GAP43: variants seen among roughly 807,000 people sequenced by gnomAD.
GAP43 encodes the protein neuromodulin.
A neutral mutation model predicts 18.6 loss-of-function variants in GAP43; 6 were observed. The observed-to-expected ratio is 0.32, with a 90% CI of 0.18 to 0.64. The LOEUF (loss-of-function observed/expected upper bound fraction) is 0.64, where lower values mean the gene tolerates loss of function less well. Ranked by LOEUF, GAP43 falls within the 30% of genes least tolerant of loss-of-function variation. GAP43 has a pLI of 0.78. For missense variants in GAP43, 292 were observed against 295.5 expected, an observed-to-expected ratio of 0.99 and a Z score of 0.09; for synonymous variants, 115 against 111.4, an observed-to-expected ratio of 1.03 and a Z score of -0.20.
chr3:115,705,243 C>T (rs1238022772), intron 2 of GAP43, among the ~76,000 whole-genome samples: 1 of 152,072 alleles, frequency 6.6e-6, no homozygotes, highest in Non-Finnish European at 1.5e-5. Context: ...TTTTAGGCAG[C>T]TGTAGTCACT....
At chr3:115,696,590 C>CCA (rs1228543478) in intron 2 of GAP43, among the ~76,000 whole-genome samples, 75 of 129,144 alleles carry the variant, frequency 5.8e-4, no homozygotes, top group African/African-American at 2.2e-3. Context: ...CCCCCCCCCC[C>CCA]ACAAACAGGT....
At chr3:115,628,229 C>T (rs1396985770) in intron 1 of GAP43, among the ~76,000 whole-genome samples, 2 of 151,738 alleles carry the variant, frequency 1.3e-5, no homozygotes, top group African/African-American at 4.8e-5. Flanking sequence ...TGCTCTTGCT[C>T]CTCCCCCCGT....
intron 2 of GAP43, among the ~76,000 whole-genome samples, chr3:115,701,429 C>T (rs1312245669): frequency 2.0e-5 from 3 of 151,962 alleles, no homozygotes; most frequent in African/African-American, 2.4e-5. Flanking sequence ...TGGCTCACCA[C>T]CAAGTCAAAT....
At chr3:115,642,313 C>CA (rs1708407398) in intron 1 of GAP43, among the ~76,000 whole-genome samples, 1 of 151,828 alleles carries the variant, frequency 6.6e-6, no homozygotes, top group Non-Finnish European at 1.5e-5. Flanking sequence ...AATATCTCCT[C>CA]TAATATTATA....
chr3:115,652,389 A>ATTTTTTTTTTTTTTTTTTTTTTTT (rs1708531283), intron 1 of GAP43, among the ~76,000 whole-genome samples: 2 of 25,590 alleles, frequency 7.8e-5, no homozygotes, highest in African/African-American at 2.3e-4. Flanking sequence ...TTTTTTTGTG[A>ATTTTTTTTTTTTTTTTTTTTTTTT]TAGAGTCTTG....
intron 1 of GAP43, among the ~76,000 whole-genome samples, chr3:115,629,368 G>T (rs1362503873): frequency 6.7e-6 from 1 of 149,240 alleles, no homozygotes; most frequent in Non-Finnish European, 1.5e-5. Context: ...ATCTAGTTTT[G>T]CCTGCTTTTC....
rs185004347 is a variant in GAP43, at chr3:115,683,688, G to T, written c.628+7078G>T. ...ATTAAAGTAATTAAACAGCTTCAAG[G>T]GTTAATAAAACCTTGGATGCTTATG... On this transcript the variant is annotated intron_variant, in intron 2 of 2. Transcript: ENST00000305124. 1.6e-4 allele frequency among the ~76,000 whole-genome samples: 24 copies of T among 152,108 alleles called. 1 individual carries two copies. The East Asian group carries it at 4.1e-3, about 26-fold the overall frequency.
At chr3:115,717,820 A>G (rs1441366110) in intron 2 of GAP43, among the ~76,000 whole-genome samples, 4 of 152,208 alleles carry the variant, frequency 2.6e-5, no homozygotes, top group African/African-American at 7.2e-5. Flanking sequence ...GGCTCTCTCA[A>G]TAGAGCTTCA....
intron 2 of GAP43, among the ~76,000 whole-genome samples, chr3:115,707,146 AT>A (rs1559806676): frequency 6.6e-6 from 1 of 152,184 alleles, no homozygotes; most frequent in Non-Finnish European, 1.5e-5. Flanking sequence ...TAAATATGTC[AT>A]TTATTGATAT....
chr3:115,689,922 T>C (rs1341959311), intron 2 of GAP43, among the ~76,000 whole-genome samples: 1 of 151,942 alleles, frequency 6.6e-6, no homozygotes, highest in African/African-American at 2.4e-5. Flanking sequence ...GCAAGAGGTG[T>C]GGGAGAAGCA....
At chr3:115,646,083 C>A (rs534202801) in intron 1 of GAP43, among the ~76,000 whole-genome samples, 1 of 152,208 alleles carries the variant, frequency 6.6e-6, no homozygotes, top group Non-Finnish European at 1.5e-5. Context: ...ATGCCTCTTG[C>A]CAAGATTATT....
intron 2 of GAP43, among the ~76,000 whole-genome samples, chr3:115,714,597 C>T (rs1559808449): frequency 6.6e-6 from 1 of 151,960 alleles, no homozygotes; most frequent in Non-Finnish European, 1.5e-5. Flanking sequence ...TGACTATGTT[C>T]CATTTGAAAA....
At chr3:115,655,405 ATGG>A (rs2107477534) in intron 1 of GAP43, among the ~76,000 whole-genome samples, 1 of 152,364 alleles carries the variant, frequency 6.6e-6, no homozygotes, top group South Asian at 2.1e-4. Flanking sequence ...ATGTGACTAT[ATGG>A]TAATCAGTAT....
intron 2 of GAP43, among the ~76,000 whole-genome samples, chr3:115,693,937 C>T (rs915019726): frequency 6.6e-5 from 10 of 152,160 alleles, no homozygotes; most frequent in Non-Finnish European, 1.3e-4. Flanking sequence ...TGAAAAACTG[C>T]AGGCTCCACG....
At chr3:115,645,065 T>C (rs1177839961) in intron 1 of GAP43, among the ~76,000 whole-genome samples, 1 of 152,026 alleles carries the variant, frequency 6.6e-6, no homozygotes, top group East Asian at 1.9e-4. Flanking sequence ...TATCAATAGA[T>C]CATCTATTGC....
chr3:115,711,341 G>T (rs1335125203), intron 2 of GAP43, among the ~76,000 whole-genome samples: 1 of 152,100 alleles, frequency 6.6e-6, no homozygotes, highest in East Asian at 1.9e-4. Flanking sequence ...AGTGCTATGA[G>T]CCAACACTGC....
chr3:115,666,486 G>A lies in GAP43; in HGVS notation c.31-9527G>A, dbSNP rs183506897. The stretch of plus-strand genomic sequence containing the variant: ...GTCACGATGCTCTAGAAATTACTCT[G>A]AGAGAATAATGGTGATGGCAATAAT... On this transcript the variant is annotated intron_variant, in intron 1 of 2. Transcript: ENST00000305124. 7.0e-4 allele frequency among the ~76,000 whole-genome samples: 106 copies of A among 152,252 alleles called. 4 individuals are homozygous for A. The South Asian group carries it at 0.021, about 30-fold the overall frequency.
At position 115,676,040 on chromosome 3, in the gene GAP43, A is replaced by G. The variant is rs201553710; in HGVS notation, c.58A>G (p.Ile20Val). ...TGAAAAAAATGATGACGACCAAAAG[A>G]TTGAACAAGATGGTATCAAACCAGA... ...QVEKNDDDQK[I>V]EQDGIKPEDK... Residue 20 changes from isoleucine (I) to valine (V), a missense_variant, in exon 2 of 3, where the codon ATT becomes GTT. Ile to Val is a conservative substitution (Grantham distance 29). Transcript: ENST00000305124. 2 of 1,606,432 alleles carry G rather than the reference A, an allele frequency of 1.2e-6. No individual in the cohort carries two copies. Among genetic ancestry groups the G allele is most frequent in the East Asian group, 2.2e-5 (1 of 44,820 alleles).
intron 1 of GAP43, among the ~76,000 whole-genome samples, chr3:115,624,943 G>A (rs971696774): frequency 5.9e-5 from 9 of 151,620 alleles, no homozygotes; most frequent in African/African-American, 2.2e-4. Context: ...GAAGCCCTTC[G>A]CAGACTGATT....
Sources: gnomAD v4.1 joint callset for allele counts (sites outside exome capture counted in the v4.1 genomes callset) on GRCh38, gnomAD v4.1.1 for gene constraint, MANE v1.5 for transcripts, NCBI Gene and HGNC (gene_info 2026-07-23, HGNC 2026-07-21) for gene names.